PLCB4: variants seen among roughly 807,000 people sequenced by gnomAD.
The protein encoded by PLCB4 is phospholipase C beta 4, also known as 1-phosphatidylinositol 4,5-bisphosphate phosphodiesterase beta-4.
In PLCB4, 77 loss-of-function variants were observed where a neutral mutation model predicts 178.8. The observed-to-expected ratio is 0.43, with a 90% CI of 0.36 to 0.52. The LOEUF is 0.52. PLCB4 is among the 20% of genes least tolerant of loss of function. The pLI, the probability that PLCB4 is intolerant of heterozygous loss-of-function variation, is 0.00. For missense variants in PLCB4, 1,024 were observed against 1,453.4 expected (o/e 0.70, Z 4.80); for synonymous variants, 496 against 490.8 (o/e 1.01, Z -0.14).
At chr20:9,137,266 C>T in intron 2 of PLCB4, among the ~76,000 whole-genome samples, 1 of 152,060 alleles carries the variant, frequency 6.6e-6, no homozygotes, top group East Asian at 1.9e-4. Context: ...GGGACCCTGA[C>T]CGAGGTAACA....
chr20:9,096,811 G>A (rs2090927621), intron 2 of PLCB4, among the ~76,000 whole-genome samples: 1 of 152,164 alleles, frequency 6.6e-6, no homozygotes, highest in Non-Finnish European at 1.5e-5. Flanking sequence ...TACTTTGTCA[G>A]CTGTAATAAG....
intron 3 of PLCB4, among the ~76,000 whole-genome samples, chr20:9,274,735 G>A (rs2094436582): frequency 6.6e-6 from 1 of 151,982 alleles, no homozygotes; most frequent in African/African-American, 2.4e-5. Flanking sequence ...TCTGCTGATA[G>A]GTTTTCTCTA....
Position 9,263,966 on chromosome 20 carries a change from C to A in PLCB4, c.-15-43834C>A, listed in dbSNP as rs531576388. On this transcript the variant is annotated intron_variant, in intron 3 of 39. Coordinates refer to ENST00000378473, the MANE Select transcript of PLCB4 (RefSeq NM_001377142.1). ...AGGTTACTTATATTCAATCATTATA[C>A]TACACCTGTTTTCACTTCTGCCTCT... 7.9e-5 allele frequency among the ~76,000 whole-genome samples: 12 copies of A among 152,280 alleles called. No individual in the cohort carries two copies. The East Asian group carries it at 2.1e-3, about 27-fold the overall frequency.
chr20:9,119,578 G>A (rs2091893488), intron 2 of PLCB4, among the ~76,000 whole-genome samples: 1 of 151,076 alleles, frequency 6.6e-6, no homozygotes, highest in Non-Finnish European at 1.5e-5. Context: ...TTTTAGGAGA[G>A]ATGAAAAGGA....
intron 3 of PLCB4, among the ~76,000 whole-genome samples, chr20:9,305,301 T>C (rs548538891): frequency 1.3e-5 from 2 of 152,132 alleles, no homozygotes; most frequent in African/African-American, 4.8e-5. Context: ...CATTTGGGAG[T>C]TATGTTTTTT....
intron 2 of PLCB4, among the ~76,000 whole-genome samples, chr20:9,143,011 A>G (rs977411778): frequency 6.6e-6 from 1 of 152,150 alleles, no homozygotes; most frequent in Non-Finnish European, 1.5e-5. Context: ...TGGCTGCCCC[A>G]GGGCCTTTGC....
chr20:9,406,710 TG>T (rs1179180028), intron 21 of PLCB4, among the ~76,000 whole-genome samples: 1 of 152,170 alleles, frequency 6.6e-6, no homozygotes, highest in Non-Finnish European at 1.5e-5. Flanking sequence ...TTCACCAGGA[TG>T]GTCTCGATCT....
At chr20:9,208,331 A>G (rs2093636290) in intron 2 of PLCB4, among the ~76,000 whole-genome samples, 1 of 152,214 alleles carries the variant, frequency 6.6e-6, no homozygotes, top group Admixed American at 6.5e-5. Context: ...GTTAATATAC[A>G]TAAAACACTG....
At chr20:9,296,785 A>G (rs1601677344) in intron 3 of PLCB4, among the ~76,000 whole-genome samples, 1 of 151,918 alleles carries the variant, frequency 6.6e-6, no homozygotes, top group Admixed American at 6.6e-5. Flanking sequence ...GCATGTTCTC[A>G]CTTATAGGTG....
At chr20:9,371,174 A>G in intron 9 of PLCB4, 40 bp from the exon 10 acceptor site, 1 of 1,244,530 alleles carries the variant, frequency 8.0e-7, no homozygotes, top group Non-Finnish European at 1.2e-6. Context: ...AACATAATGA[A>G]CAATAACTGG....
chr20:9,195,859 G>A (rs1479294649), intron 2 of PLCB4, among the ~76,000 whole-genome samples: 4 of 152,132 alleles, frequency 2.6e-5, no homozygotes, highest in Non-Finnish European at 5.9e-5. Flanking sequence ...TACAGTCTCA[G>A]ACAACTGGCT....
chr20:9,370,291 C>A (rs1362862301), intron 9 of PLCB4, among the ~76,000 whole-genome samples: 1 of 152,136 alleles, frequency 6.6e-6, no homozygotes, highest in East Asian at 1.9e-4. Context: ...TTCCCCTTCC[C>A]CCTCACCCAA....
intron 3 of PLCB4, among the ~76,000 whole-genome samples, chr20:9,286,771 C>T (rs535200112): frequency 5.5e-4 from 83 of 152,050 alleles, no homozygotes; most frequent in Admixed American, 7.9e-4. Context: ...AACTAATGAA[C>T]GAAAGAGTCC....
At chr20:9,109,358 A>G (rs1478994625) in intron 2 of PLCB4, among the ~76,000 whole-genome samples, 2 of 152,186 alleles carry the variant, frequency 1.3e-5, no homozygotes, top group African/African-American at 2.4e-5. Context: ...AAACTTTAAA[A>G]TAGAATTTTA....
At chr20:9,185,712 C>T (rs2093319944) in intron 2 of PLCB4, among the ~76,000 whole-genome samples, 1 of 152,146 alleles carries the variant, frequency 6.6e-6, no homozygotes, top group South Asian at 2.1e-4. Flanking sequence ...GATCTGACTC[C>T]TTTTTGCGTG....
At chr20:9,111,799 A>C (rs2146693867) in intron 2 of PLCB4, among the ~76,000 whole-genome samples, 1 of 152,350 alleles carries the variant, frequency 6.6e-6, no homozygotes, top group South Asian at 2.1e-4. Context: ...GCCTGCTCCA[A>C]GTAACTCTCA....
chr20:9,398,991 A>C (rs1246464933), intron 19 of PLCB4, among the ~76,000 whole-genome samples: 1 of 152,210 alleles, frequency 6.6e-6, no homozygotes, highest in Non-Finnish European at 1.5e-5. Flanking sequence ...ATAGATATGC[A>C]AAAATACTTT....
chr20:9,154,621 A>G (rs1172680828), intron 2 of PLCB4, among the ~76,000 whole-genome samples: 1 of 152,122 alleles, frequency 6.6e-6, no homozygotes, highest in African/African-American at 2.4e-5. Context: ...TATGTCATTC[A>G]ACAGATATTG....
chr20:9,469,321 C>G (rs2044021334), intron 36 of PLCB4, among the ~76,000 whole-genome samples: 1 of 152,224 alleles, frequency 6.6e-6, no homozygotes, highest in African/African-American at 2.4e-5. Flanking sequence ...CCAGGTTCCA[C>G]TGGGTCATTC....
Sources: allele counts gnomAD v4.1 joint callset (sites outside exome capture counted in the v4.1 genomes callset), GRCh38; gene constraint gnomAD v4.1.1; transcripts MANE v1.5; gene names NCBI Gene and HGNC (gene_info 2026-07-23, HGNC 2026-07-21).